The following PTPN4 variants were observed in gnomAD, a reference collection of about 807,000 sequenced individuals.
PTPN4 encodes the protein protein tyrosine phosphatase non-receptor type 4.
In PTPN4, 49 loss-of-function variants were observed where a neutral mutation model predicts 135.5. The observed-to-expected ratio is 0.36, with a 90% CI of 0.29 to 0.46. The LOEUF is 0.46. Among genes scored for constraint, PTPN4 ranks in the 20% least tolerant of loss-of-function variants. The pLI, the probability that PTPN4 is intolerant of heterozygous loss-of-function variation, is 1.00. For missense variants in PTPN4, 860 were observed against 1,101.0 expected (o/e 0.78, Z 3.10); for synonymous variants, 333 against 369.9 (o/e 0.90, Z 1.14).
chr2:119,839,861 G>A (rs1435225646), intron 2 of PTPN4, among the ~76,000 whole-genome samples: 10 of 152,134 alleles, frequency 6.6e-5, no homozygotes. Flanking sequence ...TGCTTAGAGA[G>A]TAAGTTGTAT....
chr2:119,852,570 T>G (rs1183369041), intron 2 of PTPN4, among the ~76,000 whole-genome samples: 2 of 152,260 alleles, frequency 1.3e-5, no homozygotes, highest in Non-Finnish European at 2.9e-5. Flanking sequence ...TGAGGTTTGT[T>G]AATTTCATTG....
At chr2:119,901,236 A>C (rs1323525652) in intron 10 of PTPN4, among the ~76,000 whole-genome samples, 1 of 152,206 alleles carries the variant, frequency 6.6e-6, no homozygotes, top group Non-Finnish European at 1.5e-5. Context: ...CGCAGCCAAG[A>C]GGCACAGACC....
intron 2 of PTPN4, among the ~76,000 whole-genome samples, chr2:119,830,383 G>A (rs76297577): frequency 0.047 from 7,117 of 152,126 alleles, 177 homozygotes; most frequent in African/African-American, 0.07. Flanking sequence ...TCATAAGGGT[G>A]GTTTCTCATG....
chr2:119,885,561 T>C (rs2105004901), intron 8 of PTPN4, among the ~76,000 whole-genome samples: 1 of 152,364 alleles, frequency 6.6e-6, no homozygotes, highest in Middle Eastern at 3.4e-3. Context: ...TGAGGAGCTT[T>C]AAAAACTTGG....
intron 5 of PTPN4, among the ~76,000 whole-genome samples, chr2:119,878,282 TAACCTGAATGAC>T (rs1315782360): frequency 6.6e-6 from 1 of 152,186 alleles, no homozygotes; most frequent in African/African-American, 2.4e-5. Context: ...CTGTCAGTAT[TAACCTGAATGAC>T]AACCTTGTGT....
At chr2:119,878,811 T>C (rs967127496) in intron 5 of PTPN4, among the ~76,000 whole-genome samples, 2 of 151,664 alleles carry the variant, frequency 1.3e-5, no homozygotes. Context: ...AACTAAGTTG[T>C]GGCCGGGTGC....
At chr2:119,908,800 TG>T (rs1454643302) in intron 10 of PTPN4, among the ~76,000 whole-genome samples, 2 of 152,126 alleles carry the variant, frequency 1.3e-5, no homozygotes, top group African/African-American at 4.8e-5. Flanking sequence ...TTAGCCAAAT[TG>T]TGAATGCAAA....
chr2:119,823,831 C>T (rs1037858499), intron 2 of PTPN4, among the ~76,000 whole-genome samples: 1 of 152,170 alleles, frequency 6.6e-6, no homozygotes, highest in Non-Finnish European at 1.5e-5. Flanking sequence ...TGACTTCCCT[C>T]GCTAGCTTAG....
At chr2:119,763,258 T>A (rs2104914438) in intron 1 of PTPN4, among the ~76,000 whole-genome samples, 1 of 152,304 alleles carries the variant, frequency 6.6e-6, no homozygotes, top group Non-Finnish European at 1.5e-5. Context: ...GTATTTGAAT[T>A]AATTAGTAAG....
At chr2:119,837,476 A>G (rs1369351110) in intron 2 of PTPN4, among the ~76,000 whole-genome samples, 1 of 151,706 alleles carries the variant, frequency 6.6e-6, no homozygotes, top group Non-Finnish European at 1.5e-5. Context: ...CCTGAGAGCT[A>G]TGCTGTCGCT....
chr2:119,908,164 A>G (rs532010135), intron 10 of PTPN4, among the ~76,000 whole-genome samples: 2 of 152,328 alleles, frequency 1.3e-5, no homozygotes, highest in South Asian at 2.1e-4. Flanking sequence ...GAGACAACCT[A>G]TAGAACTGGA....
rs1186347113 is a variant in PTPN4, at chr2:119,976,974, T to C, written c.2695-10T>C. 1.9e-6 allele frequency: 3 copies of C among 1,599,166 alleles called. No individual in the cohort carries two copies. The highest frequency in any genetic ancestry group is 2.6e-6 in the Non-Finnish European group (3 of 1,176,368). ...CTGATCAGTTCTGTTTTTTATATTT[T>C]ATTTTTCAGAGTCAATACAGATTTG... On this transcript the variant is annotated splice_polypyrimidine_tract_variant and intron_variant, in intron 26 of 26. Coordinates refer to ENST00000263708, the MANE Select transcript of PTPN4 (RefSeq NM_002830.4).
At chr2:119,847,174 A>G (rs1323034744) in intron 2 of PTPN4, among the ~76,000 whole-genome samples, 2 of 147,650 alleles carry the variant, frequency 1.4e-5, no homozygotes, top group African/African-American at 5.0e-5. Context: ...ATATATATGT[A>G]TACATATAAA....
chr2:119,894,313 A>G (rs373645433), intron 9 of PTPN4, among the ~76,000 whole-genome samples: 36 of 152,358 alleles, frequency 2.4e-4, no homozygotes, highest in African/African-American at 4.3e-4. Context: ...GGAGCTATAC[A>G]TATGACTTTA....
At chr2:119,923,671 T>TA (rs890444293) in intron 12 of PTPN4, among the ~76,000 whole-genome samples, 1 of 151,946 alleles carries the variant, frequency 6.6e-6, no homozygotes, top group Non-Finnish European at 1.5e-5. Context: ...TTATCAGGTA[T>TA]AAAAAAATAA....
chr2:119,946,596 A>G, intron 18 of PTPN4, 22 bp downstream of exon 18: 2 of 1,518,228 alleles, frequency 1.3e-6, no homozygotes, highest in Non-Finnish European at 1.8e-6. Flanking sequence ...AAATGTTTCA[A>G]ATAAATCCTG....
At chr2:119,817,846 C>T (rs933668019) in intron 2 of PTPN4, among the ~76,000 whole-genome samples, 3 of 151,976 alleles carry the variant, frequency 2.0e-5, no homozygotes, top group African/African-American at 7.3e-5. Context: ...GTCTTTGAGC[C>T]GTCGTTTGTA....
At chr2:119,764,562 T>A (rs1020638437) in intron 1 of PTPN4, among the ~76,000 whole-genome samples, 2 of 152,174 alleles carry the variant, frequency 1.3e-5, no homozygotes, top group Non-Finnish European at 2.9e-5. Flanking sequence ...CTCACAAGGA[T>A]CAGTTAATGA....
intron 13 of PTPN4, among the ~76,000 whole-genome samples, chr2:119,927,488 A>G (rs1678843512): frequency 6.6e-6 from 1 of 152,238 alleles, no homozygotes; most frequent in Non-Finnish European, 1.5e-5. Context: ...GAGCAATGAT[A>G]GAGAATGGAT....
Sources: allele counts gnomAD v4.1 joint callset (sites outside exome capture counted in the v4.1 genomes callset), GRCh38; gene constraint gnomAD v4.1.1; transcripts MANE v1.5; gene names NCBI Gene and HGNC (gene_info 2026-07-23, HGNC 2026-07-21).